The following MAGI2 variants were observed in gnomAD, a reference collection of about 807,000 sequenced individuals.
The protein encoded by MAGI2 is membrane associated guanylate kinase, WW and PDZ domain containing 2, also known as membrane-associated guanylate kinase, WW and PDZ domain-containing protein 2.
MAGI2 carries 35 observed loss-of-function variants against 133.3 expected under a neutral mutation model. That is an observed-to-expected ratio of 0.26 (90% CI 0.20 to 0.35). The LOEUF (loss-of-function observed/expected upper bound fraction) is 0.35, where lower values mean the gene tolerates loss of function less well. Ranked by LOEUF, MAGI2 falls within the 10% of genes least tolerant of loss-of-function variation. The pLI, the probability that MAGI2 is intolerant of heterozygous loss-of-function variation, is 1.00. For missense variants in MAGI2, 1,636 were observed against 1,863.4 expected (o/e 0.88, Z 2.25); for synonymous variants, 729 against 710.6 (o/e 1.03, Z -0.41).
At chr7:78,661,901 C>T (rs377132226) in intron 2 of MAGI2, among the ~76,000 whole-genome samples, 6 of 152,184 alleles carry the variant, frequency 3.9e-5, no homozygotes, top group African/African-American at 1.4e-4. Context: ...GTCTACACTT[C>T]AGAAGAACTA....
chr7:79,396,323 G>A (rs1483997488), intron 1 of MAGI2, among the ~76,000 whole-genome samples: 1 of 152,046 alleles, frequency 6.6e-6, no homozygotes, highest in Non-Finnish European at 1.5e-5. Context: ...AAGCCCCAAG[G>A]GTAGCAGAGC....
intron 2 of MAGI2, among the ~76,000 whole-genome samples, chr7:78,830,993 A>C (rs1791096748): frequency 6.6e-6 from 1 of 152,210 alleles, no homozygotes; most frequent in South Asian, 2.1e-4. Context: ...AAGATAGGAC[A>C]TATAAACTTT....
intron 7 of MAGI2, among the ~76,000 whole-genome samples, chr7:78,349,597 G>A (rs1347854988): frequency 1.3e-5 from 2 of 152,140 alleles, no homozygotes; most frequent in Non-Finnish European, 2.9e-5. Flanking sequence ...TGAGTTTCTA[G>A]AGTTCACAGA....
At chr7:78,268,922 C>T (rs973045726) in intron 9 of MAGI2, among the ~76,000 whole-genome samples, 8 of 152,246 alleles carry the variant, frequency 5.3e-5, no homozygotes, top group Admixed American at 1.3e-4. Flanking sequence ...TCTCCTAATG[C>T]TATCCCTCAA....
At chr7:78,611,179 C>T (rs1037292260) in intron 3 of MAGI2, among the ~76,000 whole-genome samples, 1 of 152,220 alleles carries the variant, frequency 6.6e-6, no homozygotes, top group African/African-American at 2.4e-5. Flanking sequence ...CCCTTTAGAA[C>T]AACTCTGACA....
At chr7:78,695,934 T>C (rs1362626175) in intron 2 of MAGI2, among the ~76,000 whole-genome samples, 1 of 152,116 alleles carries the variant, frequency 6.6e-6, no homozygotes, top group African/African-American at 2.4e-5. Flanking sequence ...ATAGTTCATT[T>C]TTTTTTTCTT....
intron 1 of MAGI2, among the ~76,000 whole-genome samples, chr7:79,292,759 G>T (rs1486386240): frequency 2.1e-5 from 2 of 96,728 alleles, no homozygotes; most frequent in Non-Finnish European, 1.9e-5. Flanking sequence ...GGACCACTTT[G>T]TCAATTTCTG....
chr7:79,304,299 T>C (rs1528266), intron 1 of MAGI2, among the ~76,000 whole-genome samples: 149,109 of 150,700 alleles, frequency 0.99, 73,793 homozygotes, highest in Middle Eastern at 1. Context: ...TATTCAATAA[T>C]CAAGTCACCA....
At chr7:79,010,504 G>T (rs1807971738) in intron 1 of MAGI2, among the ~76,000 whole-genome samples, 1 of 151,978 alleles carries the variant, frequency 6.6e-6, no homozygotes, top group African/African-American at 2.4e-5. Context: ...GTTATCTATT[G>T]TTAAAATAAA....
At chr7:78,747,714 C>T (rs1823059737) in intron 2 of MAGI2, among the ~76,000 whole-genome samples, 1 of 152,146 alleles carries the variant, frequency 6.6e-6, no homozygotes, top group South Asian at 2.1e-4. Flanking sequence ...GTCTGTTTTA[C>T]TCAAAGCTGC....
chr7:79,042,839 A>G (rs889274209), intron 1 of MAGI2, among the ~76,000 whole-genome samples: 2 of 152,164 alleles, frequency 1.3e-5, no homozygotes, highest in Non-Finnish European at 2.9e-5. Flanking sequence ...AATTGGCCAT[A>G]AAACAATTCC....
At chr7:78,682,545 G>A (rs903134386) in intron 2 of MAGI2, among the ~76,000 whole-genome samples, 17 of 152,156 alleles carry the variant, frequency 1.1e-4, no homozygotes, top group Non-Finnish European at 4.4e-5. Flanking sequence ...CAAACGACAT[G>A]AACTCATCCT....
At chr7:78,486,684 A>C in intron 6 of MAGI2, 1 of 391,662 alleles carries the variant, frequency 2.6e-6, no homozygotes, top group Non-Finnish European at 5.0e-6. Context: ...GGCGACAACG[A>C]TGGTTCCAAC....
At position 79,370,025 on chromosome 7, in the gene MAGI2, G is replaced by A. The variant is rs539421738; in HGVS notation, c.301+82995C>T. ...TGCTTTTGTTTCTTAAATAAGGCAT[G>A]CATGAATATAAATCACTCTTTTTAG... On this transcript the variant is annotated intron_variant, in intron 1 of 21. Transcript: ENST00000354212. 7.9e-5 allele frequency among the ~76,000 whole-genome samples: 12 copies of A among 152,070 alleles called. No individual in the cohort carries two copies. In the South Asian group the frequency reaches 1.7e-3, roughly 21 times the overall value.
At chr7:78,813,239 G>C (rs1789230711) in intron 2 of MAGI2, among the ~76,000 whole-genome samples, 1 of 152,096 alleles carries the variant, frequency 6.6e-6, no homozygotes, top group Non-Finnish European at 1.5e-5. Context: ...CAAAGTCATA[G>C]TTCAAGAAAA....
chr7:79,276,019 A>G (rs13240307), intron 1 of MAGI2, among the ~76,000 whole-genome samples: 91,947 of 152,054 alleles, frequency 0.6, 29,468 homozygotes, highest in Non-Finnish European at 0.7. Context: ...TGTTGTTTTC[A>G]TGCCTGCTAA....
intron 6 of MAGI2, chr7:78,485,502 A>T (rs551526552): frequency 6.6e-6 from 1 of 152,038 alleles, no homozygotes; most frequent in East Asian, 1.9e-4. Context: ...TGTTTAATAT[A>T]TATTTGTACT....
chr7:78,679,798 T>C (rs1248204022), intron 2 of MAGI2, among the ~76,000 whole-genome samples: 1 of 152,076 alleles, frequency 6.6e-6, no homozygotes, highest in Admixed American at 6.6e-5. Context: ...ATGAGGTGCT[T>C]TCATTTTAAC....
chr7:78,640,759 C>A (rs762266643), intron 2 of MAGI2, among the ~76,000 whole-genome samples: 33 of 152,148 alleles, frequency 2.2e-4, no homozygotes, highest in Non-Finnish European at 4.4e-4. Context: ...GTATCACTGC[C>A]TAAAAGAAGG....
Sources: allele counts gnomAD v4.1 joint callset (sites outside exome capture counted in the v4.1 genomes callset), GRCh38; gene constraint gnomAD v4.1.1; transcripts MANE v1.5; gene names NCBI Gene and HGNC (gene_info 2026-07-23, HGNC 2026-07-21).